Variants in PLEKHA8 observed in about 807,000 individuals in gnomAD.
PLEKHA8 encodes the protein pleckstrin homology domain containing A8.
PLEKHA8 carries 36 observed loss-of-function variants against 68.2 expected under a neutral mutation model. That is an observed-to-expected ratio of 0.53 (90% CI 0.40 to 0.70). The LOEUF (loss-of-function observed/expected upper bound fraction) is 0.70. Ranked by LOEUF, PLEKHA8 falls within the 30% of genes least tolerant of loss-of-function variation. The pLI is 0.00. For missense variants in PLEKHA8, 505 were observed against 615.4 expected, an observed-to-expected ratio of 0.82 and a Z score of 1.90; for synonymous variants, 211 against 216.1, an observed-to-expected ratio of 0.98 and a Z score of 0.20.
At position 30,049,384 on chromosome 7, in the gene PLEKHA8, T is replaced by A. The variant is rs1792227593; in HGVS notation, c.597+2T>A. 2.5e-6 allele frequency: 4 copies of A among 1,613,196 alleles called. No individual in the cohort carries two copies. The highest frequency in any genetic ancestry group is 3.4e-6 in the Non-Finnish European group (4 of 1,179,414). On this transcript the variant is annotated splice_donor_variant, in intron 5 of 13. Coordinates refer to ENST00000449726, the MANE Select transcript of PLEKHA8 (RefSeq NM_001197026.2). LOFTEE classifies it high-confidence loss of function. ...CTGGCCATGCTCAAGTCCAGCAAGG[T>A]AAAAGTCCAGCTCAGTTTGGCTGCA...
chr7:30,078,712 T>C lies in PLEKHA8; in HGVS notation c.1485T>C (p.Pro495=), dbSNP rs1278878499. ...AGAGGGACCTCAGCCTTTACCTCCC[T>C]GCCATGGAGAAGCAGCTGGCCATAC... The part of the protein sequence containing the change: ...GMQRDLSLYL[P]AMEKQLAILD... Residue 495 remains proline, a synonymous_variant, in exon 14 of 14, where the codon CCT becomes CCC. Transcript: ENST00000449726. The C allele has an allele frequency of 6.2e-7, 1 of 1,613,834 alleles. No homozygotes were observed. The highest frequency in any genetic ancestry group is 1.1e-5 in the South Asian group (1 of 91,086).
chr7:30,055,459 G>T, intron 9 of PLEKHA8, 117 bp downstream of exon 9: 1 of 862,652 alleles, frequency 1.2e-6, no homozygotes, highest in South Asian at 1.4e-5. Flanking sequence ...TTGGCTATTT[G>T]TTCAAATCAC....
In PLEKHA8 at chr7:30,079,373, G is replaced by A. The variant is rs968979183; in HGVS notation, c.*586G>A. 2.0e-6 allele frequency: 2 copies of A among 985,982 alleles called. No homozygotes were observed. Among genetic ancestry groups the A allele is most frequent in the Non-Finnish European group, 2.4e-6 (2 of 830,418 alleles). The allele number at this position is 985,982 out of a possible 1,614,324, so 61.1% of individuals were successfully genotyped here. A position where few individuals can be genotyped will look rare whatever the true frequency, so the allele number is the denominator to read the frequency against. ...AATTGTGGGAGGCGAAGAAGACGTG[G>A]ACAGGAGTCCCATCCTTGCTGACAG... is the stretch of plus-strand genomic sequence containing the variant. On this transcript the variant is annotated 3_prime_UTR_variant, in exon 14 of 14. Coordinates refer to ENST00000449726, the MANE Select transcript of PLEKHA8 (RefSeq NM_001197026.2).
At position 30,050,626 on chromosome 7, in the gene PLEKHA8, G is replaced by A. The variant is rs947468657; in HGVS notation, c.638+152G>A. Reference sequence around the variant, plus strand: ...ACAATATCTGACTTTCCTCTTTTGAGTGAGCCTGAATCAACCCAGAGCAGA... The same window carrying A: ...ACAATATCTGACTTTCCTCTTTTGAATGAGCCTGAATCAACCCAGAGCAGA... On this transcript the variant is annotated intron_variant, in intron 6 of 13. Coordinates refer to ENST00000449726, the MANE Select transcript of PLEKHA8 (RefSeq NM_001197026.2). The A allele has an allele frequency of 9.1e-6, 10 of 1,095,510 alleles. No homozygotes were observed. The Admixed American group carries it at 3.3e-4, about 36-fold the overall frequency. 67.9% of individuals were successfully genotyped at this position (1,095,510 alleles called of 1,614,324 possible).
chr7:30,094,920 T>C (rs953159296), downstream of PLEKHA8, among the ~76,000 whole-genome samples: 5 of 152,306 alleles, frequency 3.3e-5, no homozygotes, highest in East Asian at 7.7e-4. Flanking sequence ...TAATCCAGTC[T>C]ATCATTGTTG....
intron 1 of PLEKHA8, among the ~76,000 whole-genome samples, chr7:30,044,815 A>G (rs572200529): frequency 1.3e-5 from 2 of 152,352 alleles, no homozygotes; most frequent in South Asian, 4.1e-4. Flanking sequence ...TATTACCTAG[A>G]GAGTCATTAG....
At chr7:30,125,331 T>C (rs544693296) in intron 13 of PLEKHA8, among the ~76,000 whole-genome samples, 3 of 152,220 alleles carry the variant, frequency 2.0e-5, no homozygotes, top group African/African-American at 4.8e-5. Context: ...GTTTGACTTA[T>C]GATTTTTCAG....
At chr7:30,036,457 TAGATA>T (rs2127961816) in intron 1 of PLEKHA8, among the ~76,000 whole-genome samples, 1 of 142,266 alleles carries the variant, frequency 7.0e-6, no homozygotes, top group African/African-American at 2.6e-5. Context: ...GATAGATAGA[TAGATA>T]GATTAGATAG....
At chr7:30,108,971 G>A (rs1208591203) in intron 13 of PLEKHA8, among the ~76,000 whole-genome samples, 1 of 152,194 alleles carries the variant, frequency 6.6e-6, no homozygotes, top group Non-Finnish European at 1.5e-5. Context: ...AGAAGAGCCT[G>A]GGGCTAGTGA....
Position 30,060,878 on chromosome 7 carries a change from T to C in PLEKHA8, c.1040-6T>C, listed in dbSNP as rs770353777. ...TTTCAGAAATGTTTTTAATCTTTTC[T>C]TCTAGACAAACTTGGCCCTACAGTG... is the stretch of plus-strand genomic sequence containing the variant. On this transcript the variant is annotated splice_polypyrimidine_tract_variant and splice_region_variant and intron_variant, in intron 9 of 13. Transcript: ENST00000449726. 5 of 1,610,654 alleles carry C rather than the reference T, an allele frequency of 3.1e-6. No homozygotes were observed. The highest frequency in any genetic ancestry group is 4.2e-6 in the Non-Finnish European group (5 of 1,178,826).
intron 9 of PLEKHA8, among the ~76,000 whole-genome samples, chr7:30,060,423 C>T (rs762116801): frequency 1.3e-4 from 19 of 151,406 alleles, no homozygotes; most frequent in Non-Finnish European, 2.5e-4. Context: ...GGGGACAGAG[C>T]GAGAGACTCC....
chr7:30,061,627 C>G (rs1023872018), intron 10 of PLEKHA8, among the ~76,000 whole-genome samples: 2 of 152,154 alleles, frequency 1.3e-5, no homozygotes, highest in Non-Finnish European at 2.9e-5. Flanking sequence ...TGAAAAGTAT[C>G]TGCCAAAGAC....
chr7:30,044,284 C>T lies in PLEKHA8; in HGVS notation c.41-801C>T, dbSNP rs532008464. On this transcript the variant is annotated intron_variant, in intron 1 of 13. Coordinates refer to ENST00000449726, the MANE Select transcript of PLEKHA8 (RefSeq NM_001197026.2). The stretch of plus-strand genomic sequence containing the variant: ...CCTCCCAAAGTGCTGGGATTACAGG[C>T]GTGAGCCACCACGCCTGGCCAGGAT... 1.1e-4 allele frequency among the ~76,000 whole-genome samples: 16 copies of T among 152,200 alleles called. No homozygotes were observed. The South Asian group carries it at 1.7e-3, about 16-fold the overall frequency.
chr7:30,063,872 C>T (rs1793630359), intron 12 of PLEKHA8, among the ~76,000 whole-genome samples: 1 of 152,222 alleles, frequency 6.6e-6, no homozygotes. Flanking sequence ...GTCCACATTT[C>T]TCCTACAAAG....
chr7:30,104,366 C>T lies in PLEKHA8; in HGVS notation c.1363-24900C>T, dbSNP rs115908710. On this transcript the variant is annotated intron_variant, in intron 13 of 13. Coordinates refer to the PLEKHA8 transcript ENST00000396257. ...TTTTTCCATAATAGCCCCAATGACCCATCTTCTCCTAGAAGATACATTCTG... is the reference window on the plus strand; with the variant it reads ...TTTTTCCATAATAGCCCCAATGACCTATCTTCTCCTAGAAGATACATTCTG... Among the ~76,000 whole-genome samples, 1,290 of 152,258 alleles carry T rather than the reference C, an allele frequency of 8.5e-3. 22 individuals are homozygous for T. Among genetic ancestry groups the T allele is most frequent in the African/African-American group, 0.03 (1,243 of 41,540 alleles).
chr7:30,056,102 C>T (rs1012929176), intron 9 of PLEKHA8, among the ~76,000 whole-genome samples: 1 of 150,814 alleles, frequency 6.6e-6, no homozygotes, highest in African/African-American at 2.4e-5. Context: ...GCCACCACAC[C>T]TGGCTAATTT....
At chr7:30,098,102 G>T (rs1280121227) in intron 13 of PLEKHA8, among the ~76,000 whole-genome samples, 2 of 152,222 alleles carry the variant, frequency 1.3e-5, no homozygotes, top group African/African-American at 2.4e-5. Context: ...TCCAGACCCT[G>T]TTTGCCTGGG....
At position 30,082,748 on chromosome 7, in the gene PLEKHA8, A is replaced by AT. The variant is rs1159145952; in HGVS notation, c.*3970dup. 1.3e-4 allele frequency: 123 copies of AT among 981,656 alleles called. No individual in the cohort carries two copies. In the Middle Eastern group the frequency reaches 2.1e-3, roughly 17 times the overall value. 60.8% of individuals were successfully genotyped at this position (981,656 alleles called of 1,614,324 possible). A position where few individuals can be genotyped will look rare whatever the true frequency, so the allele number is the denominator to read the frequency against. Reference sequence around the variant, plus strand: ...AGGGAAAGAGGAGCCAAAGTAAGAGATTTTTTTTTAAGGAAACTTAATCTG... The same window carrying AT: ...AGGGAAAGAGGAGCCAAAGTAAGAGATTTTTTTTTTAAGGAAACTTAATCTG... On this transcript the variant is annotated 3_prime_UTR_variant, in exon 14 of 14. Transcript: ENST00000449726.
intron 2 of PLEKHA8, 25 bp from the exon 3 acceptor site, chr7:30,046,185 T>C (rs757192356): frequency 1.3e-6 from 2 of 1,540,712 alleles, no homozygotes; most frequent in Non-Finnish European, 1.8e-6. Flanking sequence ...TCTGAGTCTC[T>C]GATCTCCCTC....
Sources: gnomAD v4.1 joint callset for allele counts (sites outside exome capture counted in the v4.1 genomes callset) on GRCh38, gnomAD v4.1.1 for gene constraint, MANE v1.5 for transcripts, NCBI Gene and HGNC (gene_info 2026-07-23, HGNC 2026-07-21) for gene names.